The following IL4I1 variants were observed in gnomAD, a reference collection of about 807,000 sequenced individuals.
IL4I1 encodes the protein interleukin 4 induced 1.
In IL4I1, 24 loss-of-function variants were observed where a neutral mutation model predicts 29.7. The ratio of observed to expected loss-of-function variants is 0.81; its 90% CI spans 0.59 to 1.14. The LOEUF (loss-of-function observed/expected upper bound fraction) is 1.14, where lower values mean the gene tolerates loss of function less well. IL4I1 is among the 50% of genes most tolerant of loss of function. The pLI is 0.00. For synonymous variants in IL4I1, 371 were observed against 352.5 expected, an observed-to-expected ratio of 1.05 and a Z score of -0.59; for missense variants, 686 against 785.6, an observed-to-expected ratio of 0.87 and a Z score of 1.52.
chr19:49,908,792 T>C, intron 2 of IL4I1: 1 of 1,613,724 alleles, frequency 6.2e-7, no homozygotes. Context: ...CAGGCTCCAT[T>C]TGTTGATCAG....
upstream of IL4I1, among the ~76,000 whole-genome samples, chr19:49,897,574 A>G (rs1160925056): frequency 6.6e-6 from 1 of 152,204 alleles, no homozygotes; most frequent in African/African-American, 2.4e-5. Flanking sequence ...GCTCCTTTGG[A>G]AATGCCAGCT....
rs373716292 is a variant in IL4I1, at chr19:49,909,443, G to A, written c.-227-5122C>T. ...GGTGACGGTGCTCGATATGGCATTAGTGAGGTTGCTGCTGCCCAGCCCAAA... is the reference window on the plus strand; with the variant it reads ...GGTGACGGTGCTCGATATGGCATTAATGAGGTTGCTGCTGCCCAGCCCAAA... On this transcript the variant is annotated intron_variant, in intron 2 of 9. Coordinates refer to the IL4I1 transcript ENST00000341114. 9 of 1,614,022 alleles carry A rather than the reference G, an allele frequency of 5.6e-6. No homozygotes were observed. Among genetic ancestry groups the A allele is most frequent in the Non-Finnish European group, 7.6e-6 (9 of 1,180,054 alleles).
chr19:49,901,466 CT>C (rs2075271444), upstream of IL4I1, among the ~76,000 whole-genome samples: 1 of 152,192 alleles, frequency 6.6e-6, no homozygotes, highest in African/African-American at 2.4e-5. Context: ...GACCTGGGAC[CT>C]GGGTGGGAGT....
chr19:49,910,486 G>A (rs908446464), intron 2 of IL4I1, among the ~76,000 whole-genome samples: 1 of 152,176 alleles, frequency 6.6e-6, no homozygotes, highest in Non-Finnish European at 1.5e-5. Flanking sequence ...AAACCCATGT[G>A]CTCAGAGCAC....
At chr19:49,928,981 C>A (rs1020785015) in intron 1 of IL4I1, 1 of 152,566 alleles carries the variant, frequency 6.6e-6, no homozygotes, top group Non-Finnish European at 1.5e-5. Flanking sequence ...AAGGAGAGGG[C>A]TGGATCCCCG....
At chr19:49,909,637 G>T in intron 2 of IL4I1, 1 of 1,614,216 alleles carries the variant, frequency 6.2e-7, no homozygotes, top group Non-Finnish European at 8.5e-7. Flanking sequence ...AGAACAGGCC[G>T]GTGGAAGGGG....
At chr19:49,907,662 A>G in intron 2 of IL4I1, 8 of 369,970 alleles carry the variant, frequency 2.2e-5, no homozygotes, top group South Asian at 1.7e-4. Context: ...CCTCCCGAGT[A>G]GCTGAGATTG....
At chr19:49,894,980 A>G (rs2075186502) in intron 4 of IL4I1, 88 bp downstream of exon 4, 2 of 962,030 alleles carry the variant, frequency 2.1e-6, no homozygotes, top group African/African-American at 3.2e-5. Flanking sequence ...TGGGAGTCAG[A>G]GTGGAAGTTC....
At chr19:49,906,400 C>CG (rs1385123113) in intron 2 of IL4I1, among the ~76,000 whole-genome samples, 3 of 152,036 alleles carry the variant, frequency 2.0e-5, no homozygotes, top group African/African-American at 7.3e-5. Context: ...TTTATAGAGA[C>CG]GGGGTTTCAC....
intron 2 of IL4I1, among the ~76,000 whole-genome samples, chr19:49,905,363 T>G (rs1229700845): frequency 6.6e-6 from 1 of 152,132 alleles, no homozygotes; most frequent in African/African-American, 2.4e-5. Context: ...GTAGGTAAAA[T>G]GCAAACTGCT....
At chr19:49,925,449 CAAAA>C (rs56199048) in intron 2 of IL4I1, among the ~76,000 whole-genome samples, 1 of 132,852 alleles carries the variant, frequency 7.5e-6, no homozygotes, top group Non-Finnish European at 1.6e-5. Flanking sequence ...TAAAAAAAGC[CAAAA>C]AAAAAAAAAA....
chr19:49,909,229 G>A, intron 2 of IL4I1: 2 of 1,614,146 alleles, frequency 1.2e-6, no homozygotes, highest in Non-Finnish European at 1.7e-6. Context: ...CTGCTGGCGT[G>A]GCCGGAGTGA....
upstream of IL4I1, chr19:49,896,990 G>A: frequency 5.2e-6 from 3 of 580,982 alleles, no homozygotes; most frequent in Non-Finnish European, 4.3e-6. Flanking sequence ...TCCTGGAGCT[G>A]CTCTGGTCCA....
In IL4I1 at chr19:49,894,223, A is replaced by G. The variant is rs774965866; in HGVS notation, c.567+45T>C. ...GCCGGGCCGGGGCGAGCTTAGGAGG[A>G]GGACAGAGAAGTCAGGGCGGGAGGA... On this transcript the variant is annotated intron_variant, in intron 5 of 7. Transcript: ENST00000391826. The G allele has an allele frequency of 8.3e-6, 13 of 1,573,978 alleles. No individual in the cohort carries two copies. In the South Asian group the frequency reaches 1.5e-4, roughly 18 times the overall value.
At chr19:49,922,085 C>CA (rs2075778431) in intron 2 of IL4I1, among the ~76,000 whole-genome samples, 1 of 152,210 alleles carries the variant, frequency 6.6e-6, no homozygotes, top group Non-Finnish European at 1.5e-5. Context: ...AACGACCAAA[C>CA]ACCCCTCCTG....
intron 2 of IL4I1, chr19:49,908,297 T>C: frequency 6.2e-7 from 1 of 1,614,052 alleles, no homozygotes; most frequent in Non-Finnish European, 8.5e-7. Flanking sequence ...CTCGCACACC[T>C]TGGTCACCTC....
rs377691558 is a variant in IL4I1 at position 49,896,138 on chromosome 19, G to T, written c.13+10C>A. 1 of 1,557,852 alleles carries T rather than the reference G, an allele frequency of 6.4e-7. No homozygotes were observed. Among genetic ancestry groups the T allele is most frequent in the Non-Finnish European group, 8.7e-7 (1 of 1,150,248 alleles). ...TCACTTGTTCCAGAGCCCCTCCCCT[G>T]CTTACTCACCCAATGGGGCCATGAC... On this transcript the variant is annotated intron_variant, in intron 2 of 7. Coordinates refer to ENST00000391826, the MANE Select transcript of IL4I1 (RefSeq NM_152899.2).
chr19:49,920,819 C>T (rs1328939811), intron 2 of IL4I1, among the ~76,000 whole-genome samples: 5 of 152,288 alleles, frequency 3.3e-5, no homozygotes, highest in Admixed American at 6.5e-5. Flanking sequence ...CTGAGAGCAG[C>T]GGACAGGCGT....
At chr19:49,893,985 CAAAAAAAAAAA>C (rs996597872) in intron 5 of IL4I1, among the ~76,000 whole-genome samples, 9 of 19,674 alleles carry the variant, frequency 4.6e-4, no homozygotes, top group Non-Finnish European at 8.0e-4. Context: ...GACTCCATCT[CAAAAAAAAAAA>C]AAAAAAAAAA....
Sources: allele counts gnomAD v4.1 joint callset (sites outside exome capture counted in the v4.1 genomes callset), GRCh38; gene constraint gnomAD v4.1.1; transcripts MANE v1.5; gene names NCBI Gene and HGNC (gene_info 2026-07-23, HGNC 2026-07-21).